STX7: variants seen among roughly 807,000 people sequenced by gnomAD.
STX7 encodes the protein syntaxin 7.
A neutral mutation model predicts 39.6 loss-of-function variants in STX7; 34 were observed. The observed-to-expected ratio is 0.86, with a 90% CI of 0.65 to 1.14. The LOEUF (loss-of-function observed/expected upper bound fraction) is 1.14. Among genes scored for constraint, STX7 ranks in the 50% most tolerant of loss-of-function variants. The pLI, the probability that STX7 is intolerant of heterozygous loss-of-function variation, is 0.00. For missense variants in STX7, 284 were observed against 310.4 expected (o/e 0.92, Z 0.64); for synonymous variants, 119 against 99.1 (o/e 1.20, Z -1.19).
chr6:132,460,753 T>C lies in STX7; in HGVS notation c.*5A>G. Reference sequence around the variant, plus strand: ...TGTAGTGCGACAGTGTGCTCCTTTATAACTTCAGTGGTTCAATCCCCATAT... The same window carrying C: ...TGTAGTGCGACAGTGTGCTCCTTTACAACTTCAGTGGTTCAATCCCCATAT... On this transcript the variant is annotated 3_prime_UTR_variant, in exon 10 of 10. Coordinates refer to ENST00000367941, the MANE Select transcript of STX7 (RefSeq NM_003569.3). 1 of 1,604,284 alleles carries C rather than the reference T, an allele frequency of 6.2e-7. No homozygotes were observed. The highest frequency in any genetic ancestry group is 8.5e-7 in the Non-Finnish European group (1 of 1,172,210).
chr6:132,470,727 T>A, intron 5 of STX7, 101 bp from the exon 6 acceptor site: 1 of 773,462 alleles, frequency 1.3e-6, no homozygotes, highest in Non-Finnish European at 2.2e-6. Flanking sequence ...CTAAACTGAT[T>A]TATGTACGTG....
intron 2 of STX7, among the ~76,000 whole-genome samples, chr6:132,486,574 A>C (rs914468584): frequency 1.3e-5 from 2 of 152,098 alleles, no homozygotes; most frequent in Admixed American, 1.3e-4. Flanking sequence ...ACATCCTTTT[A>C]AAATATTGGT....
chr6:132,479,586 C>G (rs1391195442), intron 2 of STX7, among the ~76,000 whole-genome samples: 1 of 152,128 alleles, frequency 6.6e-6, no homozygotes, highest in Non-Finnish European at 1.5e-5. Flanking sequence ...CAGCCTATCC[C>G]TCACCCCAAC....
Position 132,453,021 on chromosome 6 carries a change from G to C in STX7, c.*7737C>G, listed in dbSNP as rs1055540390. 2 of 152,144 alleles carry C rather than the reference G, an allele frequency of 1.3e-5. No homozygotes were observed. The highest frequency in any genetic ancestry group is 2.9e-5 in the Non-Finnish European group (2 of 67,992). 9.4% of individuals were successfully genotyped at this position (152,144 alleles called of 1,614,324 possible). On this transcript the variant is annotated 3_prime_UTR_variant, in exon 10 of 10. Coordinates refer to ENST00000367941, the MANE Select transcript of STX7 (RefSeq NM_003569.3). Reference sequence around the variant, plus strand: ...GTGTTGGTGGAGGTATAGACACATAGTCTAATGGAAAAGAATAGAAAACCC... The same window carrying C: ...GTGTTGGTGGAGGTATAGACACATACTCTAATGGAAAAGAATAGAAAACCC...
rs1774355182 is a variant in STX7, at chr6:132,460,236, A to C, written c.*522T>G. 6.6e-6 allele frequency: 1 copy of C among 152,362 alleles called. No homozygotes were observed. Among genetic ancestry groups the C allele is most frequent in the Admixed American group, 6.5e-5 (1 of 15,304 alleles). 9.4% of individuals were successfully genotyped at this position (152,362 alleles called of 1,614,324 possible). A position where few individuals can be genotyped will look rare whatever the true frequency, so the allele number is the denominator to read the frequency against. On this transcript the variant is annotated 3_prime_UTR_variant, in exon 10 of 10. Transcript: ENST00000367941. ...TAAAAAAGATCTTAAAAGAAAACCA[A>C]CAAAAAAATGAAAGACACTTTGTGC...
chr6:132,502,240 G>C (rs1454925688), intron 2 of STX7, among the ~76,000 whole-genome samples: 3 of 152,176 alleles, frequency 2.0e-5, no homozygotes, highest in Non-Finnish European at 4.4e-5. Context: ...TTAATGATTA[G>C]ATAAAGAAAC....
chr6:132,478,914 G>A (rs375971142), intron 2 of STX7, among the ~76,000 whole-genome samples: 24 of 152,252 alleles, frequency 1.6e-4, no homozygotes, highest in African/African-American at 5.1e-4. Context: ...CTACAATTTC[G>A]TTGTCAAGGA....
chr6:132,485,939 C>T (rs1775122316), intron 2 of STX7, among the ~76,000 whole-genome samples: 1 of 152,046 alleles, frequency 6.6e-6, no homozygotes, highest in South Asian at 2.1e-4. Flanking sequence ...ACTTATATTG[C>T]CTTCTAAGTA....
At chr6:132,487,823 G>T (rs1775177013) in intron 2 of STX7, among the ~76,000 whole-genome samples, 1 of 151,808 alleles carries the variant, frequency 6.6e-6, no homozygotes, top group African/African-American at 2.4e-5. Flanking sequence ...TTCATGTTCA[G>T]TCTGGTTAGA....
chr6:132,512,739 G>T (rs1186154630), intron 1 of STX7, among the ~76,000 whole-genome samples: 1 of 152,130 alleles, frequency 6.6e-6, no homozygotes, highest in African/African-American at 2.4e-5. Context: ...CGGCGGGTGC[G>T]TGGCTGGGTA....
chr6:132,455,689 A>G lies in STX7; in HGVS notation c.*5069T>C, dbSNP rs189452015. ...GAAGCTACAGTGTCTACAAAAACCT[A>G]TTTAGTGTGTTATTTAGCTCTATTT... On this transcript the variant is annotated 3_prime_UTR_variant, in exon 10 of 10. Transcript: ENST00000367941. 1 of 152,314 alleles carries G rather than the reference A, an allele frequency of 6.6e-6. No homozygotes were observed. The highest frequency in any genetic ancestry group is 1.9e-4 in the East Asian group (1 of 5,188). 9.4% of individuals were successfully genotyped at this position (152,314 alleles called of 1,614,324 possible).
At chr6:132,478,122 C>G (rs1399257889) in intron 2 of STX7, among the ~76,000 whole-genome samples, 1 of 151,356 alleles carries the variant, frequency 6.6e-6, no homozygotes, top group African/African-American at 2.4e-5. Flanking sequence ...AAAAATGGGC[C>G]AAGACACGTG....
At chr6:132,505,754 A>AAAAAAC (rs1775687121) in intron 1 of STX7, among the ~76,000 whole-genome samples, 1 of 149,688 alleles carries the variant, frequency 6.7e-6, no homozygotes, top group Non-Finnish European at 1.5e-5. Context: ...AAAAAAAAAA[A>AAAAAAC]AAAAAAAAAA....
intron 1 of STX7, among the ~76,000 whole-genome samples, chr6:132,508,104 C>A (rs1258054287): frequency 6.6e-6 from 1 of 152,214 alleles, no homozygotes; most frequent in African/African-American, 2.4e-5. Flanking sequence ...CTTTTCCACC[C>A]TACACAGAGG....
chr6:132,482,621 G>A (rs919045278), intron 2 of STX7, among the ~76,000 whole-genome samples: 2 of 152,214 alleles, frequency 1.3e-5, no homozygotes, highest in Admixed American at 6.5e-5. Flanking sequence ...TAATCCAGGT[G>A]TGTGACAGTT....
chr6:132,492,123 T>C (rs7765354), intron 2 of STX7, among the ~76,000 whole-genome samples: 3,561 of 152,288 alleles, frequency 0.023, 128 homozygotes, highest in African/African-American at 0.08. Flanking sequence ...ACTCTCTCTC[T>C]TCCCTCCTCT....
At chr6:132,486,857 G>C (rs1775146900) in intron 2 of STX7, among the ~76,000 whole-genome samples, 1 of 152,026 alleles carries the variant, frequency 6.6e-6, no homozygotes, top group Admixed American at 6.6e-5. Context: ...AGTAGAGACA[G>C]AGTTTCACCA....
At position 132,450,216 on chromosome 6, in the gene STX7, G is replaced by A. The variant is rs1290645983; in HGVS notation, c.*10542C>T. Reference sequence around the variant, plus strand: ...GTTGTATTTTATCCAAGAACTAACTGTATTTTAGCAGGAGGATCCTTGAGT... The same window carrying A: ...GTTGTATTTTATCCAAGAACTAACTATATTTTAGCAGGAGGATCCTTGAGT... On this transcript the variant is annotated 3_prime_UTR_variant, in exon 10 of 10. Coordinates refer to ENST00000367941, the MANE Select transcript of STX7 (RefSeq NM_003569.3). The A allele has an allele frequency of 6.6e-6, 1 of 152,158 alleles. No homozygotes were observed. Among genetic ancestry groups the A allele is most frequent in the Non-Finnish European group, 1.5e-5 (1 of 68,030 alleles). 9.4% of individuals were successfully genotyped at this position (152,158 alleles called of 1,614,324 possible).
At chr6:132,470,670 A>T in intron 5 of STX7, 44 bp from the exon 6 acceptor site, 1 of 1,400,726 alleles carries the variant, frequency 7.1e-7, no homozygotes, top group Non-Finnish European at 1.0e-6. Flanking sequence ...GGGCAAAAAA[A>T]GCAAAAATGA....
Sources: gnomAD v4.1 joint callset for allele counts (sites outside exome capture counted in the v4.1 genomes callset) on GRCh38, gnomAD v4.1.1 for gene constraint, MANE v1.5 for transcripts, NCBI Gene and HGNC (gene_info 2026-07-23, HGNC 2026-07-21) for gene names.